VAV2: variants seen among roughly 807,000 people sequenced by gnomAD.
VAV2 encodes the protein guanine nucleotide exchange factor VAV2.
A neutral mutation model predicts 132.5 loss-of-function variants in VAV2; 67 were observed. The observed-to-expected ratio is 0.51, with a 90% CI of 0.42 to 0.62. The LOEUF (loss-of-function observed/expected upper bound fraction) is 0.62. Ranked by LOEUF, VAV2 falls within the 20% of genes least tolerant of loss-of-function variation. The probability of loss-of-function intolerance (pLI) is 0.00; values close to 1 mark genes in which losing one functional copy is unlikely to be tolerated. For missense variants in VAV2, 938 were observed against 1,153.6 expected (o/e 0.81, Z 2.71); for synonymous variants, 492 against 443.5 (o/e 1.11, Z -1.37).
chr9:133,813,313 G>A (rs1456884229), intron 4 of VAV2, among the ~76,000 whole-genome samples: 1 of 152,274 alleles, frequency 6.6e-6, no homozygotes, highest in East Asian at 1.9e-4. Context: ...CCAGCACGCA[G>A]GGAGGCGAGG....
Position 133,780,144 on chromosome 9 carries a change from G to A in VAV2, c.1741-205C>T, listed in dbSNP as rs572585736. The A allele has an allele frequency of 1.6e-4, 102 of 645,488 alleles. 1 individual carries two copies. In the South Asian group the frequency reaches 2.1e-3, roughly 13 times the overall value. 40.0% of individuals were successfully genotyped at this position (645,488 alleles called of 1,614,324 possible). A position where few individuals can be genotyped will look rare whatever the true frequency, so the allele number is the denominator to read the frequency against. ...TCACCTCTGTGCACCTCCACTCCTG[G>A]AAGGTCTGTGCCCTTCTCTCTCCCA... On this transcript the variant is annotated intron_variant, in intron 20 of 29. Transcript: ENST00000371850.
intron 2 of VAV2, among the ~76,000 whole-genome samples, chr9:133,865,768 T>C (rs891146931): frequency 9.2e-5 from 14 of 152,362 alleles, no homozygotes; most frequent in Admixed American, 5.2e-4. Context: ...ACAGATTATA[T>C]GTATTGTGTA....
At chr9:133,874,417 T>C (rs1375574774) in intron 2 of VAV2, among the ~76,000 whole-genome samples, 1 of 152,052 alleles carries the variant, frequency 6.6e-6, no homozygotes, top group Non-Finnish European at 1.5e-5. Flanking sequence ...TAAAGGTGGG[T>C]TCCAGTGTGG....
chr9:133,981,128 C>T (rs1012852478), intron 1 of VAV2, among the ~76,000 whole-genome samples: 2 of 152,128 alleles, frequency 1.3e-5, no homozygotes, highest in African/African-American at 4.8e-5. Flanking sequence ...GGGTGAGGCC[C>T]CTTCTTCAGC....
chr9:133,768,331 C>A lies in VAV2; in HGVS notation c.2589+111G>T, dbSNP rs565573826. 1.2e-5 allele frequency: 18 copies of A among 1,442,052 alleles called. No individual in the cohort carries two copies. The South Asian group carries it at 1.5e-4, about 12-fold the overall frequency. 89.3% of individuals were successfully genotyped at this position (1,442,052 alleles called of 1,614,324 possible). ...GGATGAGGGAGATTGCAGAGGGTGT[C>A]TGGAACAGGGCCTGGGGTGTGGACA... On this transcript the variant is annotated intron_variant, in intron 29 of 29. Transcript: ENST00000371850. This position sits in a 1 kb window ranked among gnomAD's most constrained non-coding sequence, Gnocchi z 5.3.
Position 133,884,007 on chromosome 9 carries a change from C to T in VAV2, c.322-22575G>A, listed in dbSNP as rs1207460329. On this transcript the variant is annotated intron_variant, in intron 2 of 29. Transcript: ENST00000371850. This position sits in a 1 kb window ranked among gnomAD's most constrained non-coding sequence, Gnocchi z 5.3. ...AAAATTAGCTGGGCACGGTGGCGCACACCTGTAGTCCCAGCTACTTGGGAG... is the reference window on the plus strand; with the variant it reads ...AAAATTAGCTGGGCACGGTGGCGCATACCTGTAGTCCCAGCTACTTGGGAG... Among the ~76,000 whole-genome samples, 2 of 152,016 alleles carry T rather than the reference C, an allele frequency of 1.3e-5. No individual in the cohort carries two copies. Among genetic ancestry groups the T allele is most frequent in the Admixed American group, 1.3e-4 (2 of 15,268 alleles).
intron 2 of VAV2, among the ~76,000 whole-genome samples, chr9:133,914,867 C>T (rs578152829): frequency 2.2e-4 from 5 of 22,998 alleles, no homozygotes; most frequent in Admixed American, 6.4e-4. Flanking sequence ...TGCCGTCCCA[C>T]AGCTCCACAA....
At chr9:133,987,384 G>T (rs936292096) in intron 1 of VAV2, among the ~76,000 whole-genome samples, 4 of 152,256 alleles carry the variant, frequency 2.6e-5, no homozygotes, top group African/African-American at 9.6e-5. Context: ...AGGCTGCCAA[G>T]GGGAGGGAGC....
chr9:133,791,998 ACT>A, intron 12 of VAV2, 129 bp from the exon 13 acceptor site: 5 of 173,102 alleles, frequency 2.9e-5, no homozygotes, highest in African/African-American at 1.9e-4. Flanking sequence ...GGGGTGTGTG[ACT>A]GTGTGTGAAT....
chr9:133,918,627 A>G lies in VAV2; in HGVS notation c.321+20476T>C, dbSNP rs73550720. On this transcript the variant is annotated intron_variant, in intron 2 of 29. Coordinates refer to ENST00000371850, the MANE Select transcript of VAV2 (RefSeq NM_001134398.2). The surrounding 1 kb of genome is among the most constrained non-coding windows in gnomAD (Gnocchi z 4.7). ...TGGGTAAGAAAGCTGAGGCCCACAG[A>G]GTCATGTAGCATGCCCGAGGTCGCG... Among the ~76,000 whole-genome samples, 5,137 of 152,146 alleles carry G rather than the reference A, an allele frequency of 0.034. 291 individuals are homozygous for G. Among genetic ancestry groups the G allele is most frequent in the African/African-American group, 0.11 (4,696 of 41,466 alleles).
chr9:133,806,752 TGGCCGCCAGGCCAGGAGGAAG>T (rs1336277055), intron 8 of VAV2, among the ~76,000 whole-genome samples: 1 of 152,196 alleles, frequency 6.6e-6, no homozygotes, highest in African/African-American at 2.4e-5. Context: ...CTGGCACCTG[TGGCCGCCAGGCCAGGAGGAAG>T]GGCCAGGAGC....
rs201927799 is a variant in VAV2, at chr9:133,768,447, C to T, written c.2584G>A (p.Gly862Arg). 9.4e-5 allele frequency: 151 copies of T among 1,613,040 alleles called. No individual in the cohort carries two copies. The highest frequency in any genetic ancestry group is 1.2e-4 in the Non-Finnish European group (139 of 1,179,900). ...CTCAGGGTGGGGCCACTCACCCGTC[C>T]GTTGGTCTCGCCCTTCCACCAGCCC... Reference protein sequence around the residue: ...DQGWWKGETNGRIGWFPSTYV... With the variant: ...DQGWWKGETNRRIGWFPSTYV... Residue 862 changes from glycine to arginine, a missense_variant, in exon 29 of 30, where the codon GGA becomes AGA. Physicochemically the swap from Gly to Arg is moderately radical, Grantham distance 125. Coordinates refer to ENST00000371850, the MANE Select transcript of VAV2 (RefSeq NM_001134398.2). The surrounding 1 kb of genome is among the most constrained non-coding windows in gnomAD (Gnocchi z 5.3).
intron 1 of VAV2, among the ~76,000 whole-genome samples, chr9:133,990,065 G>C (rs1842968784): frequency 6.6e-6 from 1 of 152,238 alleles, no homozygotes; most frequent in African/African-American, 2.4e-5. Context: ...TGCTATGACT[G>C]TTCTCATGAC....
intron 2 of VAV2, among the ~76,000 whole-genome samples, chr9:133,916,390 A>G (rs1478759630): frequency 6.6e-6 from 1 of 152,256 alleles, no homozygotes; most frequent in Non-Finnish European, 1.5e-5. Flanking sequence ...CCCTCTTTGT[A>G]GAAAGGGAAG....
chr9:133,784,295 T>C (rs779173403), intron 18 of VAV2, 22 bp downstream of exon 18: 6 of 1,610,106 alleles, frequency 3.7e-6, no homozygotes, highest in Non-Finnish European at 5.1e-6. Context: ...AGGTGAGGGC[T>C]GTAGCAGGGG....
rs7037436 is a variant in VAV2, at chr9:133,794,705, G to T, written c.1101+963C>A. On this transcript the variant is annotated intron_variant, in intron 12 of 29. Coordinates refer to ENST00000371850, the MANE Select transcript of VAV2 (RefSeq NM_001134398.2). The surrounding 1 kb of genome is among the most constrained non-coding windows in gnomAD (Gnocchi z 4.6). Reference sequence around the variant, plus strand: ...CCTGTGCTCCCGACGAGGGAGATGTGGGGGGGGTCGTCATCCCTCCACCCA... The same window carrying T: ...CCTGTGCTCCCGACGAGGGAGATGTTGGGGGGGTCGTCATCCCTCCACCCA... Among the ~76,000 whole-genome samples the T allele has an allele frequency of 0.55, 83,422 of 151,578 alleles. 23,351 individuals are homozygous for T. The highest frequency in any genetic ancestry group is 0.65 in the African/African-American group (26,700 of 41,304).
intron 1 of VAV2, among the ~76,000 whole-genome samples, chr9:133,985,270 GTGTGTTTTGTTTTTGT>G (rs1047181920): frequency 8.8e-6 from 1 of 113,364 alleles, no homozygotes; most frequent in Non-Finnish European, 1.9e-5. Context: ...GTGTGTGTGT[GTGTGTTTTGTTTTTGT>G]TTTTGTTTTT....
chr9:133,841,948 A>G (rs1438580475), intron 3 of VAV2, among the ~76,000 whole-genome samples: 3 of 143,550 alleles, frequency 2.1e-5, no homozygotes, highest in Non-Finnish European at 4.5e-5. Flanking sequence ...CTGGATCACA[A>G]TTGGAAAAGC....
intron 1 of VAV2, among the ~76,000 whole-genome samples, chr9:133,983,425 G>A (rs1224557360): frequency 6.6e-6 from 1 of 152,044 alleles, no homozygotes; most frequent in African/African-American, 2.4e-5. Context: ...CAGGGGGTGG[G>A]GCGGATGCTC....
Sources: gnomAD v4.1 joint callset for allele counts (sites outside exome capture counted in the v4.1 genomes callset) on GRCh38, gnomAD v4.1.1 for gene constraint, Gnocchi (gnomAD v3.1) non-coding constraint, MANE v1.5 for transcripts, NCBI Gene and HGNC (gene_info 2026-07-23, HGNC 2026-07-21) for gene names.